TAB2: variants seen among roughly 807,000 people sequenced by gnomAD.
TAB2 encodes TGF-beta activated kinase 1 (MAP3K7) binding protein 2.
In TAB2, 3 loss-of-function variants were observed where a neutral mutation model predicts 65.0. That is an observed-to-expected ratio of 0.05 (90% CI 0.02 to 0.12). The LOEUF (loss-of-function observed/expected upper bound fraction) is 0.12. Among genes scored for constraint, TAB2 ranks in the 10% least tolerant of loss-of-function variants. The pLI is 1.00. For synonymous variants in TAB2, 298 were observed against 285.1 expected, an observed-to-expected ratio of 1.05 and a Z score of -0.46; for missense variants, 623 against 840.3, an observed-to-expected ratio of 0.74 and a Z score of 3.20.
intron 1 of TAB2, among the ~76,000 whole-genome samples, chr6:149,333,205 C>G (rs528827397): frequency 5.0e-4 from 76 of 152,292 alleles, no homozygotes; most frequent in African/African-American, 1.4e-3. Context: ...TTCTGGAGTA[C>G]AGGTTGTGGT....
intron 1 of TAB2, among the ~76,000 whole-genome samples, chr6:149,367,459 G>A (rs1199875211): frequency 6.6e-6 from 1 of 152,056 alleles, no homozygotes; most frequent in Admixed American, 6.6e-5. Context: ...TTGAATTGAG[G>A]GAACAAGGAG....
intron 1 of TAB2, among the ~76,000 whole-genome samples, chr6:149,233,989 T>A (rs1204808766): frequency 6.6e-6 from 1 of 152,246 alleles, no homozygotes; most frequent in Non-Finnish European, 1.5e-5. Context: ...TTTACATTTA[T>A]TCCTATGAAG....
intron 1 of TAB2, among the ~76,000 whole-genome samples, chr6:149,263,795 C>T (rs963732723): frequency 2.6e-5 from 4 of 152,214 alleles, no homozygotes; most frequent in African/African-American, 4.8e-5. Context: ...GTGGCATTGG[C>T]GCCCAGGAGG....
At chr6:149,314,828 G>A (rs1159774135), upstream of TAB2, among the ~76,000 whole-genome samples, 1 of 150,364 alleles carries the variant, frequency 6.7e-6, no homozygotes, top group African/African-American at 2.4e-5. Flanking sequence ...GACCTTACTA[G>A]ACTAAAAAGC....
At chr6:149,395,329 T>C (rs912809896) in intron 3 of TAB2, among the ~76,000 whole-genome samples, 1 of 152,264 alleles carries the variant, frequency 6.6e-6, no homozygotes, top group African/African-American at 2.4e-5. Flanking sequence ...CATTGTGATT[T>C]CTAGTATATT....
intron 5 of TAB2, among the ~76,000 whole-genome samples, chr6:149,398,502 C>T (rs1583158945): frequency 6.6e-6 from 1 of 152,116 alleles, no homozygotes; most frequent in East Asian, 1.9e-4. Flanking sequence ...TCTTTAATCA[C>T]ACTTGGGACT....
intron 1 of TAB2, among the ~76,000 whole-genome samples, chr6:149,297,437 AC>A (rs1215957959): frequency 6.6e-6 from 1 of 152,226 alleles, no homozygotes; most frequent in Non-Finnish European, 1.5e-5. Flanking sequence ...AGGAACTCAA[AC>A]TTTTTAGTTC....
chr6:149,389,932 TAC>T (rs1393626880), intron 3 of TAB2, among the ~76,000 whole-genome samples: 2 of 152,184 alleles, frequency 1.3e-5, no homozygotes, highest in African/African-American at 4.8e-5. Context: ...TAAAAATAAT[TAC>T]AGAGATTAAG....
At chr6:149,313,554 T>C (rs1779200547), upstream of TAB2, among the ~76,000 whole-genome samples, 1 of 152,216 alleles carries the variant, frequency 6.6e-6, no homozygotes, top group African/African-American at 2.4e-5. Context: ...TGATCTTCAT[T>C]CTGAGCTCCA....
At chr6:149,355,226 A>G (rs1780618283) in intron 1 of TAB2, among the ~76,000 whole-genome samples, 2 of 152,226 alleles carry the variant, frequency 1.3e-5, no homozygotes, top group African/African-American at 2.4e-5. Context: ...GCCAAATATT[A>G]CATGACTACT....
In TAB2 at chr6:149,320,690, TAA is replaced by T. The variant is rs537798372; in HGVS notation, c.-90+2677_-90+2678del. Among the ~76,000 whole-genome samples, 5 of 152,260 alleles carry T rather than the reference TAA, an allele frequency of 3.3e-5. No homozygotes were observed. In the South Asian group the frequency reaches 1.0e-3, roughly 32 times the overall value. On this transcript the variant is annotated intron_variant, in intron 1 of 6. Coordinates refer to ENST00000637181, the MANE Select transcript of TAB2 (RefSeq NM_001292034.3). ...AAACAGCATTTTTTTTTGAGTTATATAAACAGATCAAGACTAAAAGTTTATTT... is the reference window on the plus strand; with the variant it reads ...AAACAGCATTTTTTTTTGAGTTATATACAGATCAAGACTAAAAGTTTATTT...
intron 1 of TAB2, among the ~76,000 whole-genome samples, chr6:149,225,288 G>A (rs920541848): frequency 6.6e-6 from 1 of 152,028 alleles, no homozygotes; most frequent in African/African-American, 2.4e-5. Flanking sequence ...GTGTTTGACA[G>A]TTTTACCATA....
chr6:149,264,854 G>C (rs1348081041), intron 1 of TAB2, among the ~76,000 whole-genome samples: 3 of 152,258 alleles, frequency 2.0e-5, no homozygotes, highest in African/African-American at 7.2e-5. Flanking sequence ...GGCAGCACTG[G>C]CTTCAGAGAA....
At chr6:149,329,324 TA>T (rs1376413398) in intron 1 of TAB2, among the ~76,000 whole-genome samples, 1 of 94,894 alleles carries the variant, frequency 1.1e-5, no homozygotes, top group African/African-American at 3.9e-5. Context: ...GAAGAATAGG[TA>T]ATGTGTTTGA....
intron 1 of TAB2, among the ~76,000 whole-genome samples, chr6:149,272,967 T>C (rs999120): frequency 0.48 from 73,122 of 151,922 alleles, 19,248 homozygotes; most frequent in African/African-American, 0.69. Flanking sequence ...GAGAATCTAA[T>C]GCCTTATCAT....
intron 1 of TAB2, among the ~76,000 whole-genome samples, chr6:149,218,967 A>T (rs1358513785): frequency 6.6e-6 from 1 of 152,236 alleles, no homozygotes; most frequent in African/African-American, 2.4e-5. Flanking sequence ...TCCTGCCAGC[A>T]AAAAACAGAT....
chr6:149,357,426 A>AG (rs1554261730), intron 1 of TAB2, among the ~76,000 whole-genome samples: 2 of 73,596 alleles, frequency 2.7e-5, no homozygotes, highest in African/African-American at 1.4e-4. Context: ...AAGGAGAAAA[A>AG]AAAAACACAC....
At chr6:149,321,505 A>G (rs1197874735) in intron 1 of TAB2, 3 of 152,176 alleles carry the variant, frequency 2.0e-5, no homozygotes, top group African/African-American at 7.2e-5. Flanking sequence ...ATCTTTTTCT[A>G]AGTATTCCAT....
chr6:149,261,523 C>T (rs980582367), intron 1 of TAB2, among the ~76,000 whole-genome samples: 1 of 152,188 alleles, frequency 6.6e-6, no homozygotes, highest in Non-Finnish European at 1.5e-5. Context: ...AACTACAAGT[C>T]TGGCAACCAC....
Sources: gnomAD v4.1 joint callset for allele counts (sites outside exome capture counted in the v4.1 genomes callset) on GRCh38, gnomAD v4.1.1 for gene constraint, MANE v1.5 for transcripts, NCBI Gene and HGNC (gene_info 2026-07-23, HGNC 2026-07-21) for gene names.